FAR1: variants seen among roughly 807,000 people sequenced by gnomAD.
FAR1 encodes the protein male sterility domain-containing protein 2.
FAR1 carries 22 observed loss-of-function variants against 61.1 expected under a neutral mutation model. That is an observed-to-expected ratio of 0.36 (90% CI 0.26 to 0.51). FAR1 has a LOEUF of 0.51. FAR1 is among the 20% of genes least tolerant of loss of function. The pLI is 0.95. For missense variants in FAR1, 359 were observed against 626.9 expected, an observed-to-expected ratio of 0.57 and a Z score of 4.56; for synonymous variants, 206 against 209.7, an observed-to-expected ratio of 0.98 and a Z score of 0.15.
Position 13,721,713 on chromosome 11 carries a change from T to G in FAR1, c.1128-17T>G. On this transcript the variant is annotated splice_polypyrimidine_tract_variant and intron_variant, in intron 9 of 11. Coordinates refer to ENST00000354817, the MANE Select transcript of FAR1 (RefSeq NM_032228.6). The surrounding 1 kb of genome is among the most constrained non-coding windows in gnomAD (Gnocchi z 4.2). ...TCTATACAAAATATGAATCTGTCCA[T>G]TTTTCTTACAATACAGGATGATGAA... The G allele has an allele frequency of 6.2e-7, 1 of 1,605,660 alleles. No homozygotes were observed. The highest frequency in any genetic ancestry group is 8.5e-7 in the Non-Finnish European group (1 of 1,176,860).
In FAR1 at chr11:13,714,587, A is replaced by G. The variant is rs779505933; in HGVS notation, c.1034A>G (p.Asn345Ser). The change falls in exon 9 of 12, where the codon AAT becomes AGT. Residue 345 changes from asparagine to serine, a missense_variant. Transcript: ENST00000354817. ...CGGCCCAATGTAAATCTAACCTCCA[A>G]TCATCTTTTATATCATTACTGGATT... ...FRRPNVNLTS[N>S]HLLYHYWIAV... The G allele has an allele frequency of 5.0e-6, 8 of 1,613,404 alleles. No homozygotes were observed. The highest frequency in any genetic ancestry group is 1.3e-5 in the African/African-American group (1 of 74,860).
chr11:13,716,483 G>A (rs541304558), intron 9 of FAR1, among the ~76,000 whole-genome samples: 10 of 152,168 alleles, frequency 6.6e-5, no homozygotes, highest in Non-Finnish European at 8.8e-5. Flanking sequence ...GAAAGAGGCC[G>A]GTGGGCAGAG....
intron 3 of FAR1, among the ~76,000 whole-genome samples, chr11:13,703,675 A>T (rs1555062768): frequency 6.6e-6 from 1 of 152,222 alleles, no homozygotes; most frequent in Non-Finnish European, 1.5e-5. Flanking sequence ...ACTTGTTTTC[A>T]GATGTGGTGG....
At chr11:13,680,990 T>G (rs1848120871) in intron 1 of FAR1, among the ~76,000 whole-genome samples, 1 of 152,222 alleles carries the variant, frequency 6.6e-6, no homozygotes, top group African/African-American at 2.4e-5. Flanking sequence ...TTCTTCATAA[T>G]CTAACTTCTG....
At chr11:13,718,768 T>C (rs1250671670) in intron 9 of FAR1, among the ~76,000 whole-genome samples, 1 of 152,162 alleles carries the variant, frequency 6.6e-6, no homozygotes, top group East Asian at 1.9e-4. Flanking sequence ...TCAGGATCTT[T>C]CAAATGATTG....
At chr11:13,669,542 T>C (rs908216644) in intron 1 of FAR1, 1 of 152,134 alleles carries the variant, frequency 6.6e-6, no homozygotes, top group African/African-American at 2.4e-5. Flanking sequence ...GCAAACGCGG[T>C]AGATTTATGT....
chr11:13,708,426 T>C (rs1007297726), intron 4 of FAR1, among the ~76,000 whole-genome samples: 108 of 127,240 alleles, frequency 8.5e-4, no homozygotes, highest in Admixed American at 2.5e-4. Context: ...CCCCACCCCA[T>C]ATACATGTGC....
At chr11:13,692,028 C>T (rs910049727) in intron 1 of FAR1, among the ~76,000 whole-genome samples, 28 of 151,920 alleles carry the variant, frequency 1.8e-4, no homozygotes, top group African/African-American at 5.6e-4. Flanking sequence ...ATTAGCTGGG[C>T]GTGGTGGCGG....
intron 1 of FAR1, among the ~76,000 whole-genome samples, chr11:13,685,311 A>G (rs1848174153): frequency 6.6e-6 from 1 of 151,704 alleles, no homozygotes; most frequent in South Asian, 2.1e-4. Context: ...TTTGAAATGC[A>G]AGATCTCACA....
At chr11:13,717,003 G>A (rs1848564159) in intron 9 of FAR1, among the ~76,000 whole-genome samples, 1 of 142,500 alleles carries the variant, frequency 7.0e-6, no homozygotes, top group African/African-American at 2.6e-5. Context: ...CCAAGTAAGG[G>A]GATTTAGAAA....
At chr11:13,697,895 A>ATGTGAGAT (rs1848325563) in intron 2 of FAR1, among the ~76,000 whole-genome samples, 1 of 152,118 alleles carries the variant, frequency 6.6e-6, no homozygotes, top group Non-Finnish European at 1.5e-5. Context: ...ATGGTTACTC[A>ATGTGAGAT]GCCTTCCTCT....
chr11:13,722,193 G>A (rs1272133410), intron 10 of FAR1, among the ~76,000 whole-genome samples: 2 of 151,960 alleles, frequency 1.3e-5, no homozygotes, highest in African/African-American at 4.8e-5. Context: ...TTGAGAAAAA[G>A]CTTCTCTAAG....
At chr11:13,723,174 G>A (rs1591272665) in intron 10 of FAR1, among the ~76,000 whole-genome samples, 1 of 151,708 alleles carries the variant, frequency 6.6e-6, no homozygotes, top group African/African-American at 2.4e-5. Context: ...AGACCAGCCT[G>A]GGCAATGTAG....
At chr11:13,712,117 T>C (rs980179955) in intron 7 of FAR1, 71 bp downstream of exon 7, 8 of 1,045,984 alleles carry the variant, frequency 7.6e-6, no homozygotes, top group Non-Finnish European at 1.1e-5. Context: ...TTTTGAGTAA[T>C]GTTAATTAAT....
intron 1 of FAR1, among the ~76,000 whole-genome samples, chr11:13,675,527 A>G (rs1848058939): frequency 6.6e-6 from 1 of 152,234 alleles, no homozygotes; most frequent in Admixed American, 6.5e-5. Context: ...TGTAGATGTT[A>G]TATCAGAACT....
At position 13,730,126 on chromosome 11, in the gene FAR1, G is replaced by A. The variant is rs1201152484; in HGVS notation, c.*1352G>A. 1 of 152,340 alleles carries A rather than the reference G, an allele frequency of 6.6e-6. No individual in the cohort carries two copies. The highest frequency in any genetic ancestry group is 1.5e-5 in the Non-Finnish European group (1 of 67,860). The allele number at this position is 152,340 out of a possible 1,614,324, so 9.4% of individuals were successfully genotyped here. A position where few individuals can be genotyped will look rare whatever the true frequency, so the allele number is the denominator to read the frequency against. ...TGTTCAGCATAACACTTCTAATTAA[G>A]TTTATCAAGTTGTACTGTATTAGAT... On this transcript the variant is annotated 3_prime_UTR_variant, in exon 12 of 12. Coordinates refer to ENST00000354817, the MANE Select transcript of FAR1 (RefSeq NM_032228.6).
At position 13,728,885 on chromosome 11, in the gene FAR1, C is replaced by A. The variant is rs1052371090; in HGVS notation, c.*111C>A. On this transcript the variant is annotated 3_prime_UTR_variant, in exon 12 of 12. Coordinates refer to ENST00000354817, the MANE Select transcript of FAR1 (RefSeq NM_032228.6). Reference sequence around the variant, plus strand: ...GTCAAGACATTAAACCATCTTAGATCGGAGTGTGAAGTAAATTATGGTATA... The same window carrying A: ...GTCAAGACATTAAACCATCTTAGATAGGAGTGTGAAGTAAATTATGGTATA... The A allele has an allele frequency of 3.8e-5, 37 of 983,784 alleles. No homozygotes were observed. In the Admixed American group the frequency reaches 4.8e-4, roughly 13 times the overall value. 60.9% of individuals were successfully genotyped at this position (983,784 alleles called of 1,614,324 possible).
chr11:13,680,780 T>G (rs1848118735), intron 1 of FAR1, among the ~76,000 whole-genome samples: 1 of 152,064 alleles, frequency 6.6e-6, no homozygotes, highest in Admixed American at 6.6e-5. Context: ...AGGCCCCACC[T>G]CCAACATTGG....
chr11:13,689,864 C>A (rs1039003768), intron 1 of FAR1, among the ~76,000 whole-genome samples: 1 of 144,972 alleles, frequency 6.9e-6, no homozygotes, highest in South Asian at 2.2e-4. Context: ...CATGTGCTGT[C>A]ATTTCGATCT....
Sources: gnomAD v4.1 joint callset for allele counts (sites outside exome capture counted in the v4.1 genomes callset) on GRCh38, gnomAD v4.1.1 for gene constraint, Gnocchi (gnomAD v3.1) non-coding constraint, MANE v1.5 for transcripts, NCBI Gene and HGNC (gene_info 2026-07-23, HGNC 2026-07-21) for gene names.